LAYN: variants seen among roughly 807,000 people sequenced by gnomAD.
LAYN encodes layilin.
Under a neutral mutation model 43.6 loss-of-function variants are expected in LAYN, and 38 were observed. The ratio of observed to expected loss-of-function variants is 0.87; its 90% CI spans 0.67 to 1.14. LAYN has a LOEUF of 1.14. Among genes scored for constraint, LAYN ranks in the 50% most tolerant of loss-of-function variants. The pLI is 0.00. For missense variants in LAYN, 479 were observed against 463.8 expected (o/e 1.03, Z -0.30); for synonymous variants, 168 against 172.9 (o/e 0.97, Z 0.22).
At position 111,549,757 on chromosome 11, in the gene LAYN, A is replaced by G; in HGVS notation, c.523A>G (p.Ile175Val). ...CCGGTGCAACATGAAGAACAATTTC[A>G]TTTGCAAATATTCTGATGGTAATGA... is the stretch of plus-strand genomic sequence containing the variant. ...DDRCNMKNNF[I>V]CKYSDEKPAV... Residue 175 changes from isoleucine to valine, a missense_variant, in exon 3 of 7, where the codon ATT (isoleucine) becomes GTT (valine). Physicochemically the swap from Ile to Val is conservative, Grantham distance 29. Coordinates refer to ENST00000375614, the MANE Select transcript of LAYN (RefSeq NM_178834.5). 3 of 1,603,078 alleles carry G rather than the reference A, an allele frequency of 1.9e-6. No homozygotes were observed. The highest frequency in any genetic ancestry group is 2.6e-6 in the Non-Finnish European group (3 of 1,175,968).
At chr11:111,540,994 A>G in intron 1 of LAYN, 66 bp downstream of exon 1, 3 of 1,449,992 alleles carry the variant, frequency 2.1e-6, no homozygotes, top group Non-Finnish European at 2.8e-6. Context: ...GCTGCTGCTG[A>G]CCCTCTTCTG....
At position 111,560,408 on chromosome 11, in the gene LAYN, G is replaced by A; in HGVS notation, c.1075G>A (p.Gly359Arg). 1 of 1,614,166 alleles carries A rather than the reference G, an allele frequency of 6.2e-7. No homozygotes were observed. Among genetic ancestry groups the A allele is most frequent in the Non-Finnish European group, 8.5e-7 (1 of 1,179,998 alleles). Residue 359 changes from glycine (G) to arginine (R), a missense_variant, in exon 7 of 7, where the codon GGG becomes AGG. Transcript: ENST00000375614. ...TTATGAGTTCTCCCCAGACCAAATG[G>A]GGAGGAGTAAGGAGTCTGGATGGGT... ...DIYEFSPDQM[G>R]RSKESGWVEN...
Position 111,544,009 on chromosome 11 carries a change from G to A in LAYN, c.172G>A (p.Glu58Lys), listed in dbSNP as rs11827718. ...TACTTCTCGAAGACTGAACTTTGAG[G>A]AAGCCAAAGAAGCCTGCAGGAGGGA... ...HDTSRRLNFE[E>K]AKEACRRDGG... The change falls in exon 2 of 7, where the codon GAA becomes AAA. Residue 58 changes from glutamate (E) to lysine (K), a missense_variant. Transcript: ENST00000375614. 3,535 of 1,614,176 alleles carry A rather than the reference G, an allele frequency of 2.2e-3. 82 individuals are homozygous for A. The African/African-American group carries it at 0.04, about 18-fold the overall frequency.
chr11:111,544,300 C>A, intron 2 of LAYN, 80 bp downstream of exon 2: 1 of 1,422,044 alleles, frequency 7.0e-7, no homozygotes, highest in South Asian at 1.4e-5. Flanking sequence ...AGTGCCAGAT[C>A]AGTGGGGAAG....
intron 3 of LAYN, 34 bp downstream of exon 3, chr11:111,549,809 T>G: frequency 6.4e-7 from 1 of 1,569,372 alleles, no homozygotes; most frequent in Non-Finnish European, 8.6e-7. Flanking sequence ...TGCGGCTGAA[T>G]TCTCAACTTC....
rs1308315001 is a variant in LAYN at position 111,545,197 on chromosome 11, G to A, written c.383+977G>A. Among the ~76,000 whole-genome samples, 3 of 152,106 alleles carry A rather than the reference G, an allele frequency of 2.0e-5. No individual in the cohort carries two copies. The East Asian group carries it at 5.8e-4, about 29-fold the overall frequency. On this transcript the variant is annotated intron_variant, in intron 2 of 6. Transcript: ENST00000375614. The stretch of plus-strand genomic sequence containing the variant: ...GCTCCTCCAGGATTCTCATGAGCCT[G>A]TCTTCCTGGGAGAAACTTTAGAAAG...
Position 111,554,149 on chromosome 11 carries a change from T to TAA in LAYN, c.542-411_542-410insAA, listed in dbSNP as rs1488917967. On this transcript the variant is annotated intron_variant, in intron 3 of 6. Coordinates refer to ENST00000375614, the MANE Select transcript of LAYN (RefSeq NM_178834.5). ...CCCATTATGAACTGAAAAAATGTCT[T>TAA]AGACTGCTTTAAAATAATCCAGGCC... Among the ~76,000 whole-genome samples the TAA allele has an allele frequency of 4.6e-5, 7 of 152,264 alleles. No homozygotes were observed. In the East Asian group the frequency reaches 1.3e-3, roughly 29 times the overall value.
chr11:111,556,988 T>G (rs1267007279), intron 5 of LAYN, among the ~76,000 whole-genome samples: 1 of 152,192 alleles, frequency 6.6e-6, no homozygotes, highest in Non-Finnish European at 1.5e-5. Context: ...TACACTGTAA[T>G]TTACTTGCTT....
In LAYN at chr11:111,540,824, G is replaced by A; in HGVS notation, c.-20G>A. ...ACCGCCGTAGCGCCCGAGTGTCGGG[G>A]GGCGCACCCGAGTCGGGCCATGAGG... On this transcript the variant is annotated 5_prime_UTR_variant, in exon 1 of 7. Coordinates refer to ENST00000375614, the MANE Select transcript of LAYN (RefSeq NM_178834.5). The A allele has an allele frequency of 6.6e-7, 1 of 1,520,282 alleles. No individual in the cohort carries two copies. Among genetic ancestry groups the A allele is most frequent in the Non-Finnish European group, 8.8e-7 (1 of 1,140,964 alleles). The allele number at this position is 1,520,282 out of a possible 1,614,324, so 94.2% of individuals were successfully genotyped here.
chr11:111,540,822 G>T lies in LAYN; in HGVS notation c.-22G>T, dbSNP rs1245281191. 5 of 1,519,678 alleles carry T rather than the reference G, an allele frequency of 3.3e-6. No homozygotes were observed. Among genetic ancestry groups the T allele is most frequent in the African/African-American group, 1.4e-5 (1 of 70,538 alleles). The allele number at this position is 1,519,678 out of a possible 1,614,324, so 94.1% of individuals were successfully genotyped here. A position where few individuals can be genotyped will look rare whatever the true frequency, so the allele number is the denominator to read the frequency against. Reference sequence around the variant, plus strand: ...CCACCGCCGTAGCGCCCGAGTGTCGGGGGGCGCACCCGAGTCGGGCCATGA... The same window carrying T: ...CCACCGCCGTAGCGCCCGAGTGTCGTGGGGCGCACCCGAGTCGGGCCATGA... On this transcript the variant is annotated 5_prime_UTR_variant, in exon 1 of 7. Transcript: ENST00000375614.
chr11:111,552,868 T>C (rs1012708985), intron 3 of LAYN, among the ~76,000 whole-genome samples: 2 of 152,232 alleles, frequency 1.3e-5, no homozygotes, highest in Non-Finnish European at 2.9e-5. Context: ...TTTGCTGTTT[T>C]ATCTCCGCTA....
At position 111,543,902 on chromosome 11, in the gene LAYN, A is replaced by G. The variant is rs201747451; in HGVS notation, c.86-21A>G. 5 of 1,590,334 alleles carry G rather than the reference A, an allele frequency of 3.1e-6. No homozygotes were observed. The East Asian group carries it at 1.1e-4, about 36-fold the overall frequency. ...TATACTTTTTGAGACACTGAAATAG[A>G]TTGGCTTCTTTTTTCTCTAGGGCAG... On this transcript the variant is annotated intron_variant, in intron 1 of 6. Transcript: ENST00000375614.
At position 111,554,582 on chromosome 11, in the gene LAYN, G is replaced by C; in HGVS notation, c.563G>C (p.Arg188Thr). ...YSDEKPAVPS[R>T]EAEGEETELT... ...ACAGAGAAACCAGCAGTTCCTTCTA[G>C]AGAAGCTGAAGGTAAGCCTGTTACT... The change falls in exon 4 of 7, where the codon AGA becomes ACA. Residue 188 changes from arginine (R) to threonine (T), a missense_variant. Transcript: ENST00000375614. 6.2e-7 allele frequency: 1 copy of C among 1,613,096 alleles called. No homozygotes were observed. Among genetic ancestry groups the C allele is most frequent in the South Asian group, 1.1e-5 (1 of 91,052 alleles).
intron 5 of LAYN, among the ~76,000 whole-genome samples, chr11:111,556,833 C>T (rs1034680311): frequency 6.6e-6 from 1 of 152,110 alleles, no homozygotes; most frequent in Non-Finnish European, 1.5e-5. Flanking sequence ...CTTGATTCCT[C>T]CCAAAGCCAC....
chr11:111,560,034 C>A, intron 6 of LAYN, 61 bp from the exon 7 acceptor site: 2 of 1,529,722 alleles, frequency 1.3e-6, no homozygotes, highest in East Asian at 2.3e-5. Context: ...CAACAGGAAG[C>A]ACAAGGGTAT....
At chr11:111,557,761 T>C (rs1000342014) in intron 6 of LAYN, 118 bp downstream of exon 6, 12 of 834,780 alleles carry the variant, frequency 1.4e-5, no homozygotes, top group East Asian at 4.8e-5. Context: ...CCATTGCAGA[T>C]TGGAGAGTGG....
chr11:111,556,183 T>A (rs1304259425), intron 5 of LAYN, among the ~76,000 whole-genome samples: 3 of 152,192 alleles, frequency 2.0e-5, no homozygotes, highest in South Asian at 2.1e-4. Context: ...CTAGATTGAT[T>A]GTATGGGATA....
intron 3 of LAYN, 66 bp downstream of exon 3, chr11:111,549,841 T>C: frequency 6.6e-7 from 1 of 1,506,850 alleles, no homozygotes; most frequent in East Asian, 2.5e-5. Flanking sequence ...GAGCTGCTGC[T>C]AGTACCAAGA....
intron 3 of LAYN, chr11:111,551,559 C>T: frequency 2.6e-6 from 1 of 388,570 alleles, no homozygotes; most frequent in Non-Finnish European, 5.1e-6. Context: ...GCCGACCTGT[C>T]CAGCTCAATT....
Sources: allele counts gnomAD v4.1 joint callset (sites outside exome capture counted in the v4.1 genomes callset), GRCh38; gene constraint gnomAD v4.1.1; transcripts MANE v1.5; gene names NCBI Gene and HGNC (gene_info 2026-07-23, HGNC 2026-07-21).